The following STX8 variants were observed in gnomAD, a reference collection of about 807,000 sequenced individuals.
STX8 encodes syntaxin-8.
A neutral mutation model predicts 37.5 loss-of-function variants in STX8; 23 were observed. That is an observed-to-expected ratio of 0.61 (90% CI 0.44 to 0.87). STX8 has a LOEUF of 0.87. Among genes scored for constraint, STX8 ranks in the 40% least tolerant of loss-of-function variants. STX8 has a pLI of 0.00. For missense variants in STX8, 313 were observed against 284.7 expected, an observed-to-expected ratio of 1.10 and a Z score of -0.71; for synonymous variants, 115 against 99.1, an observed-to-expected ratio of 1.16 and a Z score of -0.95.
At chr17:9,447,422 CTTTTG>C (rs1567564732) in intron 6 of STX8, among the ~76,000 whole-genome samples, 1 of 152,064 alleles carries the variant, frequency 6.6e-6, no homozygotes, top group African/African-American at 2.4e-5. Flanking sequence ...AGGAGTTGTT[CTTTTG>C]TTTTTTCTTT....
intron 4 of STX8, among the ~76,000 whole-genome samples, chr17:9,516,982 G>A (rs1905177054): frequency 6.6e-6 from 1 of 152,082 alleles, no homozygotes; most frequent in South Asian, 2.1e-4. Flanking sequence ...GGGAGTAAGT[G>A]GGGAAGACTC....
At chr17:9,464,644 T>A (rs1405144054) in intron 6 of STX8, 1 of 151,964 alleles carries the variant, frequency 6.6e-6, no homozygotes, top group Non-Finnish European at 1.5e-5. Context: ...ATCATAAATG[T>A]TCAAAACAAG....
intron 6 of STX8, among the ~76,000 whole-genome samples, chr17:9,413,925 T>G (rs1480530737): frequency 7.7e-6 from 1 of 130,156 alleles, no homozygotes; most frequent in Non-Finnish European, 1.7e-5. Context: ...TAACCGTCCA[T>G]CCACCCATCC....
At chr17:9,473,497 A>G (rs900937273) in intron 6 of STX8, among the ~76,000 whole-genome samples, 5 of 152,202 alleles carry the variant, frequency 3.3e-5, no homozygotes, top group African/African-American at 1.2e-4. Context: ...TAGCATTTAC[A>G]TATAACCTAC....
At chr17:9,526,611 C>T (rs969926007) in intron 4 of STX8, among the ~76,000 whole-genome samples, 2 of 152,192 alleles carry the variant, frequency 1.3e-5, no homozygotes, top group African/African-American at 2.4e-5. Context: ...CAGGCTCACG[C>T]CTGTAATCCC....
At chr17:9,300,994 G>A (rs1460926399) in intron 7 of STX8, among the ~76,000 whole-genome samples, 4 of 151,584 alleles carry the variant, frequency 2.6e-5, no homozygotes, top group Non-Finnish European at 4.4e-5. Context: ...CACCACGCCC[G>A]GCTAATTTTT....
intron 7 of STX8, among the ~76,000 whole-genome samples, chr17:9,309,514 C>T (rs184109583): frequency 3.0e-4 from 46 of 152,234 alleles, no homozygotes; most frequent in African/African-American, 1.1e-3. Context: ...ACTCGGAGGC[C>T]TTATGAAATG....
chr17:9,445,516 TTGGGGGG>T (rs1402019508), intron 6 of STX8, among the ~76,000 whole-genome samples: 12 of 1,896 alleles, frequency 6.3e-3, no homozygotes, highest in African/African-American at 0.02. Flanking sequence ...GGGGAGGGGG[TTGGGGGG>T]TGGGGGTGAG....
At chr17:9,366,870 G>T (rs1236600370) in intron 7 of STX8, among the ~76,000 whole-genome samples, 1 of 152,158 alleles carries the variant, frequency 6.6e-6, no homozygotes, top group Non-Finnish European at 1.5e-5. Flanking sequence ...AACTGATGTG[G>T]CGGGATAAAT....
At chr17:9,411,807 C>T (rs1912987456) in intron 6 of STX8, among the ~76,000 whole-genome samples, 1 of 152,124 alleles carries the variant, frequency 6.6e-6, no homozygotes, top group African/African-American at 2.4e-5. Context: ...GCTGCATTTA[C>T]TTCTTAATCT....
intron 7 of STX8, among the ~76,000 whole-genome samples, chr17:9,362,539 C>G (rs1221091757): frequency 6.6e-6 from 1 of 152,082 alleles, no homozygotes; most frequent in Non-Finnish European, 1.5e-5. Flanking sequence ...CTCTCTCTGG[C>G]TGGGCGCGGT....
chr17:9,415,086 C>T (rs1021272571), intron 6 of STX8, among the ~76,000 whole-genome samples: 2 of 152,122 alleles, frequency 1.3e-5, no homozygotes, highest in African/African-American at 4.8e-5. Context: ...CCACCACGCC[C>T]GGTCTGCCTG....
At chr17:9,333,829 T>A (rs536718982) in intron 7 of STX8, among the ~76,000 whole-genome samples, 2 of 152,208 alleles carry the variant, frequency 1.3e-5, no homozygotes, top group Non-Finnish European at 2.9e-5. Flanking sequence ...GCCTAACTGC[T>A]CAATGGGTTC....
chr17:9,411,679 A>T (rs1483088759), intron 6 of STX8, among the ~76,000 whole-genome samples: 2 of 152,210 alleles, frequency 1.3e-5, no homozygotes, highest in Admixed American at 6.5e-5. Flanking sequence ...CATTTCTGTC[A>T]GGAAGGGAGG....
intron 7 of STX8, among the ~76,000 whole-genome samples, chr17:9,330,895 C>T (rs1597608763): frequency 1.3e-5 from 2 of 150,434 alleles, no homozygotes; most frequent in Non-Finnish European, 2.9e-5. Context: ...TCCTTCAGAA[C>T]TTCAAAAACA....
In STX8 at chr17:9,422,669, T is replaced by G. The variant is rs148960775; in HGVS notation, c.542-44016A>C. Among the ~76,000 whole-genome samples, 70 of 152,392 alleles carry G rather than the reference T, an allele frequency of 4.6e-4. 1 individual carries two copies. In the East Asian group the frequency reaches 6.4e-3, roughly 14 times the overall value. On this transcript the variant is annotated intron_variant, in intron 6 of 7. Coordinates refer to ENST00000306357, the MANE Select transcript of STX8 (RefSeq NM_004853.3). Reference sequence around the variant, plus strand: ...TGAATAACATTCCATTGTATGGATATGCCACATTCTGTTTCTGCAGCAATG... The same window carrying G: ...TGAATAACATTCCATTGTATGGATAGGCCACATTCTGTTTCTGCAGCAATG...
chr17:9,540,459 G>A (rs1483051075), intron 4 of STX8, among the ~76,000 whole-genome samples: 1 of 152,124 alleles, frequency 6.6e-6, no homozygotes, highest in Non-Finnish European at 1.5e-5. Flanking sequence ...TTACGGTGTT[G>A]GGTCTAAAGC....
At chr17:9,514,944 T>C (rs1327306404) in intron 4 of STX8, among the ~76,000 whole-genome samples, 2 of 152,144 alleles carry the variant, frequency 1.3e-5, no homozygotes, top group African/African-American at 4.8e-5. Context: ...ACTGGCAACA[T>C]ATGAACAGAA....
chr17:9,452,714 C>A (rs1440635540), intron 6 of STX8, among the ~76,000 whole-genome samples: 2 of 152,080 alleles, frequency 1.3e-5, no homozygotes, highest in African/African-American at 4.8e-5. Flanking sequence ...AATGTATAAA[C>A]TTCTACACTG....
Sources: gnomAD v4.1 joint callset for allele counts (sites outside exome capture counted in the v4.1 genomes callset) on GRCh38, gnomAD v4.1.1 for gene constraint, MANE v1.5 for transcripts, NCBI Gene and HGNC (gene_info 2026-07-23, HGNC 2026-07-21) for gene names.